Variants in ATP7A observed in about 807,000 individuals in gnomAD.
ATP7A encodes the protein ATPase copper transporting alpha.
Under a neutral mutation model 83.5 loss-of-function variants are expected in ATP7A, and 7 were observed. That is an observed-to-expected ratio of 0.08 (90% CI 0.05 to 0.16). The LOEUF (loss-of-function observed/expected upper bound fraction) is 0.16, where lower values mean the gene tolerates loss of function less well. ATP7A is among the 10% of genes least tolerant of loss of function. ATP7A has a pLI of 1.00. For missense variants in ATP7A, 940 were observed against 1,120.8 expected, an observed-to-expected ratio of 0.84 and a Z score of 2.30; for synonymous variants, 354 against 395.2, an observed-to-expected ratio of 0.90 and a Z score of 1.24.
Position 77,969,516 on chromosome X carries a change from G to A in ATP7A, c.-21-2105G>A, listed in dbSNP as rs201000573. 215 of 1,209,181 alleles carry A rather than the reference G, an allele frequency of 1.8e-4. 2 individuals carry two copies. The East Asian group carries it at 6.0e-3, about 34-fold the overall frequency. ...AGCCAGCATCTCGTAGCGCCTGCCCGCCGCGCTTCGCCTCCTCGTGGCCCG... is the reference window on the plus strand; with the variant it reads ...AGCCAGCATCTCGTAGCGCCTGCCCACCGCGCTTCGCCTCCTCGTGGCCCG... On this transcript the variant is annotated intron_variant, in intron 1 of 22. Transcript: ENST00000341514.
chrX:78,020,016 T>C (rs141702790), intron 12 of ATP7A, among the ~76,000 whole-genome samples: 17 of 112,318 alleles, frequency 1.5e-4, no homozygotes, highest in African/African-American at 5.5e-4. Context: ...GGTGAAACTC[T>C]AAAAGTATCT....
Position 77,965,787 on chromosome X carries a change from G to A in ATP7A, c.-21-5834G>A, listed in dbSNP as rs1453433283. On this transcript the variant is annotated intron_variant, in intron 1 of 22. Transcript: ENST00000341514. ...AATAGATAAATTATGGTGTATCTAT[G>A]CAGTGGAATATTATTCAGCCATAAA... Among the ~76,000 whole-genome samples the A allele has an allele frequency of 2.7e-5, 3 of 112,208 alleles. 1 individual carries two copies. Among genetic ancestry groups the A allele is most frequent in the Non-Finnish European group, 5.6e-5 (3 of 53,197 alleles).
At chrX:77,927,467 G>T (rs2077247996) in intron 1 of ATP7A, among the ~76,000 whole-genome samples, 1 of 111,361 alleles carries the variant, frequency 9.0e-6, no homozygotes, top group Admixed American at 9.5e-5. Flanking sequence ...ATGGAGATAT[G>T]ATAATATATT....
intron 2 of ATP7A, among the ~76,000 whole-genome samples, chrX:77,987,929 A>G (rs2077647865): frequency 9.0e-6 from 1 of 111,432 alleles, no homozygotes; most frequent in Non-Finnish European, 1.9e-5. Flanking sequence ...GGAGTAATTT[A>G]TGAAAGGAAT....
chrX:77,916,685 A>G (rs2077187616), intron 1 of ATP7A, among the ~76,000 whole-genome samples: 1 of 111,288 alleles, frequency 9.0e-6, no homozygotes, highest in Non-Finnish European at 1.9e-5. Context: ...TGTCTAACCT[A>G]CTCTGCAAAT....
chrX:78,025,539 C>G (rs2077937217), intron 14 of ATP7A, among the ~76,000 whole-genome samples: 1 of 111,773 alleles, frequency 8.9e-6, no homozygotes, highest in African/African-American at 3.3e-5. Flanking sequence ...ACAAATGGAA[C>G]TGCTGGAACT....
intron 1 of ATP7A, chrX:77,964,529 A>G (rs2077492829): frequency 9.1e-6 from 1 of 110,287 alleles, no homozygotes; most frequent in Non-Finnish European, 1.9e-5. Context: ...TCAACCCATC[A>G]CCTACATTAG....
At chrX:77,926,132 G>A (rs2077240090) in intron 1 of ATP7A, among the ~76,000 whole-genome samples, 1 of 110,805 alleles carries the variant, frequency 9.0e-6, no homozygotes, top group Non-Finnish European at 1.9e-5. Flanking sequence ...CTTTCATTGA[G>A]TATCATTAAA....
Position 78,038,898 on chromosome X carries a change from G to T in ATP7A, c.3574G>T (p.Gly1192Cys). Residue 1192 changes from glycine (G) to cysteine (C), a missense_variant, in exon 18 of 23, where the codon GGT becomes TGT. Around this residue, in one of 3 missense-constraint regions of ATP7A, gnomAD observed 386 missense variants for 502.2 expected, o/e 0.77. Transcript: ENST00000341514. Reference sequence around the variant, plus strand: ...TAACCGGGAGTGGATGATTAGAAATGGTCTTGTCATTAATAACGATGTAAA... The same window carrying T: ...TAACCGGGAGTGGATGATTAGAAATTGTCTTGTCATTAATAACGATGTAAA... ...IGNREWMIRNGLVINNDVNDF... is the reference protein window; with the variant it reads ...IGNREWMIRNCLVINNDVNDF... The T allele has an allele frequency of 2.5e-6, 3 of 1,209,936 alleles. No homozygotes were observed. Among genetic ancestry groups the T allele is most frequent in the Non-Finnish European group, 3.4e-6 (3 of 893,840 alleles).
At position 77,972,953 on chromosome X, in the gene ATP7A, G is replaced by A. The variant is rs140270766; in HGVS notation, c.120+1192G>A. On this transcript the variant is annotated intron_variant, in intron 2 of 22. Coordinates refer to ENST00000341514, the MANE Select transcript of ATP7A (RefSeq NM_000052.7). ...ATCAACAGCATTCTAGATATACTGT[G>A]GTTAAAGATGTAGTTCAGGTTATAA... 7.9e-3 allele frequency among the ~76,000 whole-genome samples: 847 copies of A among 107,691 alleles called. 10 individuals carry two copies. The highest frequency in any genetic ancestry group is 0.028 in the African/African-American group (823 of 29,540). 93.5% of individuals were successfully genotyped at this position (107,691 alleles called of 115,157 possible).
chrX:77,920,958 A>C (rs1425319069), intron 1 of ATP7A, among the ~76,000 whole-genome samples: 1 of 112,053 alleles, frequency 8.9e-6, no homozygotes, highest in Non-Finnish European at 1.9e-5. Flanking sequence ...CTTTTAATAA[A>C]TGGAATAATA....
In ATP7A at chrX:77,966,708, A is replaced by T. The variant is rs1343242606; in HGVS notation, c.-21-4913A>T. ...TAATGAAAATGTTTTGCAACTACATAGTCATTATGGTTGCACATCCTTGTG... is the reference window on the plus strand; with the variant it reads ...TAATGAAAATGTTTTGCAACTACATTGTCATTATGGTTGCACATCCTTGTG... On this transcript the variant is annotated intron_variant, in intron 1 of 22. Coordinates refer to ENST00000341514, the MANE Select transcript of ATP7A (RefSeq NM_000052.7). 1.6e-5 allele frequency: 5 copies of T among 305,473 alleles called. No individual in the cohort carries two copies. The Admixed American group carries it at 1.7e-4, about 11-fold the overall frequency. The allele number at this position is 305,473 out of a possible 1,213,427, so 25.2% of individuals were successfully genotyped here.
chrX:77,930,043 A>G (rs950709879), intron 1 of ATP7A, among the ~76,000 whole-genome samples: 5 of 111,938 alleles, frequency 4.5e-5, no homozygotes, highest in African/African-American at 1.3e-4. Flanking sequence ...TTTTTGGAAG[A>G]TAAGAAGCAC....
chrX:78,014,464 T>C (rs1320968153), intron 10 of ATP7A, among the ~76,000 whole-genome samples, 198 bp from the exon 11 acceptor site: 1 of 111,497 alleles, frequency 9.0e-6, no homozygotes, highest in African/African-American at 3.3e-5. Context: ...CTTTCTGAAG[T>C]GAAACATTTT....
chrX:77,974,742 T>C (rs1377463601), intron 2 of ATP7A: 2 of 295,485 alleles, frequency 6.8e-6, no homozygotes, highest in East Asian at 4.8e-5. Flanking sequence ...TTTTCTCCTT[T>C]AGTCTGTTAA....
chrX:78,005,196 A>G (rs1248410389), intron 6 of ATP7A, among the ~76,000 whole-genome samples: 3 of 112,103 alleles, frequency 2.7e-5, no homozygotes, highest in African/African-American at 9.7e-5. Flanking sequence ...GAAGAATTGT[A>G]CAGTAGATAT....
intron 6 of ATP7A, among the ~76,000 whole-genome samples, chrX:78,005,683 C>CAAAAAAAAAAAAAAAAAAAAAAAAAAAA (rs1218646073): frequency 2.2e-4 from 3 of 13,696 alleles, no homozygotes; most frequent in African/African-American, 3.0e-4. Flanking sequence ...AACTCCATCT[C>CAAAAAAAAAAAAAAAAAAAAAAAAAAAA]AAAAAAAAAA....
chrX:78,005,727 AC>A (rs1338469002), intron 6 of ATP7A, among the ~76,000 whole-genome samples: 14 of 108,809 alleles, frequency 1.3e-4, no homozygotes, highest in African/African-American at 3.7e-4. Context: ...GAAGAAAAAA[AC>A]AATATTGGAT....
intron 14 of ATP7A, among the ~76,000 whole-genome samples, chrX:78,023,123 C>CT (rs1603387814): frequency 8.9e-6 from 1 of 112,054 alleles, no homozygotes; most frequent in Non-Finnish European, 1.9e-5. Context: ...GACATGATTT[C>CT]TTTTTTTATG....
Sources: allele counts gnomAD v4.1 joint callset (sites outside exome capture counted in the v4.1 genomes callset), GRCh38; gene constraint gnomAD v4.1.1; regional missense constraint gnomAD v4.1.1; transcripts MANE v1.5; gene names NCBI Gene and HGNC (gene_info 2026-07-23, HGNC 2026-07-21).